Variants in SPMIP4 observed in about 807,000 individuals in gnomAD.
SPMIP4 encodes the protein sperm microtubule inner protein 4, also known as sperm-associated microtubule inner protein 4.
the SPMIP4 span, among the ~76,000 whole-genome samples, chr7:25,146,391 G>C: frequency 1.3e-5 from 2 of 152,224 alleles, no homozygotes; most frequent in Non-Finnish European, 2.9e-5. Context: ...GCCTGAGCAG[G>C]TGGGAGGGGG....
chr7:25,161,034 G>C, the SPMIP4 span, among the ~76,000 whole-genome samples: 707 of 151,800 alleles, frequency 4.7e-3, 2 homozygotes, highest in Middle Eastern at 0.021. Flanking sequence ...GCTTTTGTTT[G>C]TTTGGTCTTG....
At chr7:25,154,078 G>A in the SPMIP4 span, among the ~76,000 whole-genome samples, 1 of 152,160 alleles carries the variant, frequency 6.6e-6, no homozygotes, top group Non-Finnish European at 1.5e-5. Context: ...GTGAGTAAGT[G>A]GCAGATCCAG....
At chr7:25,143,861 C>T in the SPMIP4 span, among the ~76,000 whole-genome samples, 10 of 152,080 alleles carry the variant, frequency 6.6e-5, no homozygotes, top group Admixed American at 2.6e-4. Flanking sequence ...GCCTATCAAG[C>T]GTTAGGATTA....
At chr7:25,160,384 C>T in the SPMIP4 span, among the ~76,000 whole-genome samples, 9 of 152,074 alleles carry the variant, frequency 5.9e-5, no homozygotes, top group Admixed American at 1.3e-4. Context: ...CTGCAACCTC[C>T]GCCTCCTGGG....
the SPMIP4 span, among the ~76,000 whole-genome samples, chr7:25,133,494 A>G: frequency 2.6e-5 from 4 of 152,368 alleles, no homozygotes; most frequent in Middle Eastern, 0.014. Context: ...GAATGGTTCA[A>G]GGCCAAAGTG....
chr7:25,128,832 C>G, the SPMIP4 span, among the ~76,000 whole-genome samples: 1 of 152,226 alleles, frequency 6.6e-6, no homozygotes, highest in Admixed American at 6.5e-5. This position sits in a 1 kb window ranked among gnomAD's most constrained non-coding sequence, Gnocchi z 4.5. Flanking sequence ...TATTCAAGCC[C>G]AAAGTCTCTT....
chr7:25,159,549 AT>A, the SPMIP4 span, among the ~76,000 whole-genome samples: 1 of 152,198 alleles, frequency 6.6e-6, no homozygotes, highest in Non-Finnish European at 1.5e-5. Flanking sequence ...AATGTTATCA[AT>A]TTGATAGTAA....
chr7:25,164,341 T>A, the SPMIP4 span, among the ~76,000 whole-genome samples: 1 of 152,166 alleles, frequency 6.6e-6, no homozygotes, highest in Non-Finnish European at 1.5e-5. Flanking sequence ...TTGGGCAGGA[T>A]GACTGATCCT....
the SPMIP4 span, chr7:25,155,198 A>G: frequency 1.3e-6 from 2 of 1,506,678 alleles, no homozygotes; most frequent in East Asian, 2.4e-5. Flanking sequence ...TCTCTCTAAG[A>G]TTTATTGAGG....
At chr7:25,148,468 A>C in the SPMIP4 span, among the ~76,000 whole-genome samples, 8 of 116,710 alleles carry the variant, frequency 6.9e-5, no homozygotes, top group South Asian at 2.4e-3. Flanking sequence ...CATGAGACAG[A>C]ATCTGCCTCT....
the SPMIP4 span, among the ~76,000 whole-genome samples, chr7:25,137,507 C>A: frequency 2.0e-5 from 3 of 152,076 alleles, no homozygotes; most frequent in Admixed American, 1.3e-4. Flanking sequence ...TCTCATAGTT[C>A]TGGAAGTTCA....
chr7:25,168,558 A>G, the SPMIP4 span: 8 of 1,028,130 alleles, frequency 7.8e-6, no homozygotes, highest in Non-Finnish European at 1.1e-5. Context: ...CCACTTCATA[A>G]GTATTTTCAG....
chr7:25,174,537 C>T, the SPMIP4 span, among the ~76,000 whole-genome samples: 13 of 152,112 alleles, frequency 8.5e-5, no homozygotes, highest in East Asian at 7.7e-4. The surrounding 1 kb of genome is among the most constrained non-coding windows in gnomAD (Gnocchi z 4.5). Flanking sequence ...GAGAAAAGCT[C>T]GAGATAAACA....
chr7:25,138,558 A>G, the SPMIP4 span, among the ~76,000 whole-genome samples: 1 of 152,210 alleles, frequency 6.6e-6, no homozygotes, highest in African/African-American at 2.4e-5. This position sits in a 1 kb window ranked among gnomAD's most constrained non-coding sequence, Gnocchi z 6.2. Context: ...AATAAAATTT[A>G]TTTACAAAAC....
the SPMIP4 span, among the ~76,000 whole-genome samples, chr7:25,141,995 C>T: frequency 6.6e-6 from 1 of 152,208 alleles, no homozygotes; most frequent in East Asian, 1.9e-4. Context: ...CTCGGCCTCC[C>T]AGAGTGCTGG....
At chr7:25,171,260 C>A in the SPMIP4 span, among the ~76,000 whole-genome samples, 93 of 152,232 alleles carry the variant, frequency 6.1e-4, no homozygotes, top group Middle Eastern at 3.4e-3. Flanking sequence ...TTTTTCTTAA[C>A]AAAGGAGTGA....
chr7:25,140,272 A>G, the SPMIP4 span, among the ~76,000 whole-genome samples: 1 of 152,200 alleles, frequency 6.6e-6, no homozygotes, highest in Non-Finnish European at 1.5e-5. Flanking sequence ...AGCAAATGTA[A>G]AATCAGTATG....
At chr7:25,178,699 A>C in the SPMIP4 span, among the ~76,000 whole-genome samples, 1 of 152,192 alleles carries the variant, frequency 6.6e-6, no homozygotes, top group African/African-American at 2.4e-5. Flanking sequence ...CAGACACTTG[A>C]AGGTTCAGAT....
At chr7:25,143,280 C>T in the SPMIP4 span, among the ~76,000 whole-genome samples, 4 of 152,152 alleles carry the variant, frequency 2.6e-5, no homozygotes, top group Non-Finnish European at 5.9e-5. Context: ...ATTCTTCAGA[C>T]GTAACTAGAG....
Sources: gnomAD v4.1 joint callset for allele counts (sites outside exome capture counted in the v4.1 genomes callset) on GRCh38, gnomAD v4.1.1 for gene constraint, Gnocchi (gnomAD v3.1) non-coding constraint, MANE v1.5 for transcripts, NCBI Gene and HGNC (gene_info 2026-07-23, HGNC 2026-07-21) for gene names.